Variants in RPS6KC1 observed in about 807,000 individuals in gnomAD.
The protein encoded by RPS6KC1 is inactive ribosomal protein S6 kinase delta-1.
A neutral mutation model predicts 103.8 loss-of-function variants in RPS6KC1; 54 were observed. That is an observed-to-expected ratio of 0.52 (90% CI 0.42 to 0.65). RPS6KC1 has a LOEUF of 0.65. Ranked by LOEUF, RPS6KC1 falls within the 30% of genes least tolerant of loss-of-function variation. The probability of loss-of-function intolerance (pLI) is 0.00; values close to 1 mark genes in which losing one functional copy is unlikely to be tolerated. For synonymous variants in RPS6KC1, 439 were observed against 438.7 expected, an observed-to-expected ratio of 1.00 and a Z score of -0.01; for missense variants, 1,151 against 1,253.8, an observed-to-expected ratio of 0.92 and a Z score of 1.24.
the RPS6KC1 span, among the ~76,000 whole-genome samples, chr1:213,355,068 A>G: frequency 6.6e-6 from 1 of 152,112 alleles, no homozygotes; most frequent in Non-Finnish European, 1.5e-5. Flanking sequence ...AAATACAAAA[A>G]TTAGTCAGGT....
the RPS6KC1 span, among the ~76,000 whole-genome samples, chr1:213,733,825 G>A: frequency 4.6e-5 from 7 of 152,134 alleles, no homozygotes; most frequent in Admixed American, 1.3e-4. Flanking sequence ...GAGAGTGCTC[G>A]CTCTTGGCTT....
chr1:213,698,104 A>C, the RPS6KC1 span, among the ~76,000 whole-genome samples: 7 of 152,338 alleles, frequency 4.6e-5, no homozygotes, highest in Non-Finnish European at 8.8e-5. Context: ...TAGAAATATT[A>C]AATGCATTTT....
chr1:213,508,544 G>T, the RPS6KC1 span, among the ~76,000 whole-genome samples: 7 of 152,158 alleles, frequency 4.6e-5, 1 homozygote, highest in Non-Finnish European at 1.0e-4. Flanking sequence ...GTGTGTGTGT[G>T]TATGTGTGTG....
the RPS6KC1 span, among the ~76,000 whole-genome samples, chr1:213,336,786 T>G: frequency 6.6e-6 from 1 of 152,182 alleles, no homozygotes; most frequent in Non-Finnish European, 1.5e-5. Context: ...TGGCTCCAAA[T>G]CCAGACCTCT....
chr1:213,224,359 G>A (rs2093910298), intron 8 of RPS6KC1, among the ~76,000 whole-genome samples: 1 of 152,144 alleles, frequency 6.6e-6, no homozygotes, highest in Non-Finnish European at 1.5e-5. Flanking sequence ...GGAATAAGTT[G>A]CCTGCTTTTT....
At chr1:213,535,651 G>A in the RPS6KC1 span, among the ~76,000 whole-genome samples, 1 of 152,154 alleles carries the variant, frequency 6.6e-6, no homozygotes, top group African/African-American at 2.4e-5. Flanking sequence ...ATGTCTTTGA[G>A]GAGGCAGGTT....
the RPS6KC1 span, among the ~76,000 whole-genome samples, chr1:213,616,231 G>A: frequency 1.9e-4 from 29 of 152,334 alleles, no homozygotes; most frequent in African/African-American, 5.1e-4. Context: ...CAAATGCTGC[G>A]CTAAGTGGGA....
At chr1:213,632,628 G>A in the RPS6KC1 span, among the ~76,000 whole-genome samples, 4 of 152,246 alleles carry the variant, frequency 2.6e-5, no homozygotes, top group Non-Finnish European at 5.9e-5. Context: ...AAAAACCAGA[G>A]CGCCTCTTCT....
At chr1:213,506,916 T>C in the RPS6KC1 span, among the ~76,000 whole-genome samples, 1 of 152,192 alleles carries the variant, frequency 6.6e-6, no homozygotes, top group African/African-American at 2.4e-5. Flanking sequence ...GCATTTTCCC[T>C]GGAGTGGAAA....
Position 213,051,309 on chromosome 1 carries a change from C to T in RPS6KC1, c.-96C>T, listed in dbSNP as rs953589283. 5 of 881,422 alleles carry T rather than the reference C, an allele frequency of 5.7e-6. No homozygotes were observed. The highest frequency in any genetic ancestry group is 9.0e-6 in the Non-Finnish European group (5 of 553,528). 54.6% of individuals were successfully genotyped at this position (881,422 alleles called of 1,614,324 possible). A position where few individuals can be genotyped will look rare whatever the true frequency, so the allele number is the denominator to read the frequency against. ...CGCCTTGGAGCCACCGCCCCCTCGC[C>T]GCTTCGCCGCTGCGTTGGGGAACCT... On this transcript the variant is annotated 5_prime_UTR_variant, in exon 1 of 15. Coordinates refer to ENST00000366960, the MANE Select transcript of RPS6KC1 (RefSeq NM_012424.6).
At chr1:213,298,746 C>T in the RPS6KC1 span, among the ~76,000 whole-genome samples, 196 of 152,032 alleles carry the variant, frequency 1.3e-3, 1 homozygote, top group African/African-American at 4.6e-3. Context: ...TTTATAGCAT[C>T]TTATTCTTGT....
chr1:213,663,330 A>G, the RPS6KC1 span, among the ~76,000 whole-genome samples: 1 of 152,202 alleles, frequency 6.6e-6, no homozygotes, highest in African/African-American at 2.4e-5. Context: ...CAATCATTTA[A>G]GCAAGTTTGT....
At chr1:213,257,428 C>T (rs921472098) in intron 12 of RPS6KC1, among the ~76,000 whole-genome samples, 5 of 152,082 alleles carry the variant, frequency 3.3e-5, no homozygotes, top group Non-Finnish European at 7.4e-5. Context: ...GTTATTAGAC[C>T]CTATAAACCA....
At chr1:213,628,018 C>T in the RPS6KC1 span, among the ~76,000 whole-genome samples, 3 of 152,140 alleles carry the variant, frequency 2.0e-5, no homozygotes, top group Non-Finnish European at 4.4e-5. Context: ...CTCCTTGTAC[C>T]TCTGGTAGAA....
chr1:213,290,144 C>CAAAAAA, the RPS6KC1 span, among the ~76,000 whole-genome samples: 14 of 70,060 alleles, frequency 2.0e-4, no homozygotes, highest in African/African-American at 2.3e-4. Context: ...GACTCCGTCT[C>CAAAAAA]AAAAAAAAAA....
the RPS6KC1 span, among the ~76,000 whole-genome samples, chr1:213,388,870 A>C: frequency 6.6e-6 from 1 of 152,242 alleles, no homozygotes; most frequent in East Asian, 1.9e-4. Flanking sequence ...AAGAGAGTTC[A>C]CTTTGGCTCC....
At chr1:213,684,191 C>T in the RPS6KC1 span, among the ~76,000 whole-genome samples, 4 of 152,132 alleles carry the variant, frequency 2.6e-5, no homozygotes, top group African/African-American at 9.7e-5. Flanking sequence ...AAATCTTTTT[C>T]ACTTAGCATT....
chr1:213,095,889 G>A (rs1390303724), intron 3 of RPS6KC1, among the ~76,000 whole-genome samples: 2 of 152,186 alleles, frequency 1.3e-5, no homozygotes, highest in African/African-American at 2.4e-5. Flanking sequence ...CATGTTGATG[G>A]CTGCCAACTG....
chr1:213,173,026 C>T (rs937518586), intron 7 of RPS6KC1, among the ~76,000 whole-genome samples: 1 of 152,176 alleles, frequency 6.6e-6, no homozygotes, highest in Non-Finnish European at 1.5e-5. Flanking sequence ...GATTTAATCC[C>T]CTCTTATCTA....
Sources: allele counts gnomAD v4.1 joint callset (sites outside exome capture counted in the v4.1 genomes callset), GRCh38; gene constraint gnomAD v4.1.1; transcripts MANE v1.5; gene names NCBI Gene and HGNC (gene_info 2026-07-23, HGNC 2026-07-21).